The following SCUBE1 variants were observed in gnomAD, a reference collection of about 807,000 sequenced individuals.
The protein encoded by SCUBE1 is signal peptide, CUB domain and EGF like domain containing 1.
In SCUBE1, 59 loss-of-function variants were observed where a neutral mutation model predicts 124.4. The observed-to-expected ratio is 0.47, with a 90% CI of 0.38 to 0.59. SCUBE1 has a LOEUF of 0.59. Ranked by LOEUF, SCUBE1 falls within the 20% of genes least tolerant of loss-of-function variation. SCUBE1 has a pLI of 0.00. For missense variants in SCUBE1, 1,150 were observed against 1,371.2 expected, an observed-to-expected ratio of 0.84 and a Z score of 2.55; for synonymous variants, 545 against 550.9, an observed-to-expected ratio of 0.99 and a Z score of 0.15.
At chr22:43,249,464 GC>G (rs1298629359) in intron 6 of SCUBE1, among the ~76,000 whole-genome samples, 1 of 152,172 alleles carries the variant, frequency 6.6e-6, no homozygotes, top group Non-Finnish European at 1.5e-5. Context: ...CACAGTGTGT[GC>G]CCCCTAAGTG....
At chr22:43,324,588 A>G (rs1926660143) in intron 2 of SCUBE1, among the ~76,000 whole-genome samples, 1 of 152,178 alleles carries the variant, frequency 6.6e-6, no homozygotes, top group South Asian at 2.1e-4. Context: ...CTTAAGAGAT[A>G]AACACACAAA....
intron 17 of SCUBE1, 40 bp downstream of exon 17, chr22:43,212,385 C>A: frequency 6.5e-7 from 1 of 1,543,798 alleles, no homozygotes; most frequent in Non-Finnish European, 8.7e-7. Context: ...GCAGCCCTGC[C>A]TCTCGGGGTG....
At chr22:43,219,498 TAG>T (rs1399696918) in intron 14 of SCUBE1, among the ~76,000 whole-genome samples, 1 of 131,508 alleles carries the variant, frequency 7.6e-6, no homozygotes, top group Non-Finnish European at 1.6e-5. Flanking sequence ...TTTTTTGAGA[TAG>T]AGTCTCACTC....
chr22:43,232,035 G>C, intron 7 of SCUBE1, 160 bp from the exon 8 acceptor site: 1 of 747,276 alleles, frequency 1.3e-6, no homozygotes, highest in East Asian at 2.7e-5. Context: ...GCAGAGGGGT[G>C]GGGGCCCTGT....
chr22:43,274,128 A>G (rs1365352537), intron 4 of SCUBE1, among the ~76,000 whole-genome samples: 1 of 152,084 alleles, frequency 6.6e-6, no homozygotes, highest in Admixed American at 6.6e-5. Flanking sequence ...GAGGTCTTGC[A>G]CCAGAGAAGT....
At position 43,224,476 on chromosome 22, in the gene SCUBE1, T is replaced by C. The variant is rs574416152; in HGVS notation, c.1208-1260A>G. Among the ~76,000 whole-genome samples, 14 of 152,314 alleles carry C rather than the reference T, an allele frequency of 9.2e-5. No individual in the cohort carries two copies. In the South Asian group the frequency reaches 2.7e-3, roughly 29 times the overall value. On this transcript the variant is annotated intron_variant, in intron 10 of 21. Transcript: ENST00000360835. ...TCTGACTTGTCTTGTGTTTGATGGA[T>C]AGATAACAGGGTGCTCCTTGGGGAC...
chr22:43,232,014 TC>T, intron 7 of SCUBE1, 139 bp from the exon 8 acceptor site: 1 of 959,124 alleles, frequency 1.0e-6, no homozygotes. Flanking sequence ...GGCTGCTGGC[TC>T]CCCAGCTGTG....
At chr22:43,321,543 C>G (rs986030188) in intron 2 of SCUBE1, among the ~76,000 whole-genome samples, 2 of 152,180 alleles carry the variant, frequency 1.3e-5, no homozygotes, top group Non-Finnish European at 2.9e-5. Context: ...CAGAAGTGAA[C>G]GCGCCAGAGT....
chr22:43,238,704 A>G (rs1922870445), intron 7 of SCUBE1, 134 bp downstream of exon 7: 1 of 783,686 alleles, frequency 1.3e-6, no homozygotes, highest in African/African-American at 1.7e-5. Flanking sequence ...AAAGCAAATG[A>G]TTGCCACGTG....
In SCUBE1 at chr22:43,202,091, G is replaced by C. The variant is rs1291562091; in HGVS notation, c.*1906C>G. ...CTTGAGTTGGACTTCAGCAGAGAAG[G>C]CAGCTGATGGCAGCAGGAGCCACGC... On this transcript the variant is annotated 3_prime_UTR_variant, in exon 22 of 22. Transcript: ENST00000360835. The C allele has an allele frequency of 2.6e-5, 4 of 152,300 alleles. No homozygotes were observed. Among genetic ancestry groups the C allele is most frequent in the Non-Finnish European group, 4.4e-5 (3 of 68,078 alleles). 9.4% of individuals were successfully genotyped at this position (152,300 alleles called of 1,614,324 possible).
chr22:43,314,937 C>T lies in SCUBE1; in HGVS notation c.349+5000G>A, dbSNP rs574899632. 2.6e-5 allele frequency among the ~76,000 whole-genome samples: 4 copies of T among 152,270 alleles called. No homozygotes were observed. The South Asian group carries it at 8.3e-4, about 32-fold the overall frequency. On this transcript the variant is annotated intron_variant, in intron 3 of 21. Coordinates refer to ENST00000360835, the MANE Select transcript of SCUBE1 (RefSeq NM_173050.5). ...TTTTAGCCATGTGGGATAGGGGCCT[C>T]CATCTGGACTCCTGTCCCAAGTCCC...
At chr22:43,303,166 T>C (rs1925839071) in intron 3 of SCUBE1, among the ~76,000 whole-genome samples, 1 of 152,268 alleles carries the variant, frequency 6.6e-6, no homozygotes, top group South Asian at 2.1e-4. Context: ...GTCCGCATTT[T>C]CTTCCACCCT....
intron 3 of SCUBE1, among the ~76,000 whole-genome samples, chr22:43,305,120 G>C (rs1388722781): frequency 6.6e-6 from 1 of 152,226 alleles, no homozygotes; most frequent in Non-Finnish European, 1.5e-5. Flanking sequence ...TGCATCAACA[G>C]TGAAGAGAGT....
chr22:43,258,753 C>T lies in SCUBE1; in HGVS notation c.611-418G>A, dbSNP rs887500328. On this transcript the variant is annotated intron_variant, in intron 5 of 21. Transcript: ENST00000360835. The surrounding 1 kb of genome is among the most constrained non-coding windows in gnomAD (Gnocchi z 5.0). ...CTGTCGGGGGAGGGACATGGCGGCC[C>T]GTGGTTCCAGGTGACCCTCATTTCC... Among the ~76,000 whole-genome samples the T allele has an allele frequency of 1.3e-5, 2 of 152,170 alleles. No homozygotes were observed.
chr22:43,260,183 T>C (rs1352866845), intron 5 of SCUBE1, among the ~76,000 whole-genome samples: 1 of 152,140 alleles, frequency 6.6e-6, no homozygotes, highest in Non-Finnish European at 1.5e-5. Flanking sequence ...AGACAGGCTG[T>C]GCCCCAAAAG....
chr22:43,261,787 A>G (rs1167546483), intron 5 of SCUBE1, among the ~76,000 whole-genome samples: 1 of 152,222 alleles, frequency 6.6e-6, no homozygotes, highest in Non-Finnish European at 1.5e-5. Flanking sequence ...CTTGCCAGAG[A>G]TGGAAAGTGC....
Position 43,214,383 on chromosome 22 carries a change from C to A in SCUBE1, c.1892-132G>T, listed in dbSNP as rs1229025650. The A allele has an allele frequency of 2.9e-5, 23 of 790,216 alleles. No homozygotes were observed. In the East Asian group the frequency reaches 6.0e-4, roughly 21 times the overall value. 49.0% of individuals were successfully genotyped at this position (790,216 alleles called of 1,614,324 possible). A position where few individuals can be genotyped will look rare whatever the true frequency, so the allele number is the denominator to read the frequency against. On this transcript the variant is annotated intron_variant, in intron 15 of 21. Transcript: ENST00000360835. ...CTGGGGCCCCAAGGACACAGAGGGG[C>A]CCCTGACCTATCCCAGAAGAGCCTG...
chr22:43,263,271 T>C (rs1038744801), intron 4 of SCUBE1, among the ~76,000 whole-genome samples: 1 of 152,194 alleles, frequency 6.6e-6, no homozygotes, highest in African/African-American at 2.4e-5. Context: ...CCCCTCTCTG[T>C]CTGCCTGGAG....
chr22:43,288,625 T>A (rs2146748916), intron 4 of SCUBE1, among the ~76,000 whole-genome samples: 1 of 152,330 alleles, frequency 6.6e-6, no homozygotes, highest in South Asian at 2.1e-4. Flanking sequence ...CACCTGGCTT[T>A]CTCATCAGCT....
Sources: allele counts gnomAD v4.1 joint callset (sites outside exome capture counted in the v4.1 genomes callset), GRCh38; gene constraint gnomAD v4.1.1; non-coding constraint Gnocchi (gnomAD v3.1); transcripts MANE v1.5; gene names NCBI Gene and HGNC (gene_info 2026-07-23, HGNC 2026-07-21).